The following PLCB1 variants were observed in gnomAD, a reference collection of about 807,000 sequenced individuals.
The protein encoded by PLCB1 is 1-phosphatidylinositol 4,5-bisphosphate phosphodiesterase beta-1.
In PLCB1, 46 loss-of-function variants were observed where a neutral mutation model predicts 161.8. The observed-to-expected ratio is 0.28, with a 90% CI of 0.22 to 0.36. The LOEUF (loss-of-function observed/expected upper bound fraction) is 0.36. PLCB1 is among the 10% of genes least tolerant of loss of function. The pLI, the probability that PLCB1 is intolerant of heterozygous loss-of-function variation, is 1.00. For missense variants in PLCB1, 1,016 were observed against 1,472.5 expected, an observed-to-expected ratio of 0.69 and a Z score of 5.07; for synonymous variants, 517 against 503.7, an observed-to-expected ratio of 1.03 and a Z score of -0.35.
intron 23 of PLCB1, among the ~76,000 whole-genome samples, chr20:8,748,750 G>T (rs6056059): frequency 1.3e-5 from 2 of 151,854 alleles, no homozygotes; most frequent in African/African-American, 2.4e-5. Flanking sequence ...AATGTACAGC[G>T]TGAGGACTAT....
At chr20:8,255,365 T>C (rs1028918648) in intron 2 of PLCB1, among the ~76,000 whole-genome samples, 3 of 152,108 alleles carry the variant, frequency 2.0e-5, no homozygotes, top group Non-Finnish European at 2.9e-5. Flanking sequence ...TAGAAAATGT[T>C]CTAATTGTGA....
At chr20:8,495,930 C>T (rs923140596) in intron 3 of PLCB1, among the ~76,000 whole-genome samples, 1 of 152,132 alleles carries the variant, frequency 6.6e-6, no homozygotes, top group East Asian at 1.9e-4. Flanking sequence ...AACTGATGTT[C>T]CCGTGGCTTG....
intron 3 of PLCB1, among the ~76,000 whole-genome samples, chr20:8,410,311 G>A (rs181331438): frequency 1.3e-5 from 2 of 152,144 alleles, no homozygotes; most frequent in Non-Finnish European, 2.9e-5. Flanking sequence ...CTGAGTCCTA[G>A]AGTGTGCTTA....
intron 2 of PLCB1, among the ~76,000 whole-genome samples, chr20:8,292,767 A>G (rs1242665618): frequency 6.6e-6 from 1 of 152,080 alleles, no homozygotes; most frequent in African/African-American, 2.4e-5. Flanking sequence ...AAGTTACTCA[A>G]CTCCTATGGC....
intron 27 of PLCB1, among the ~76,000 whole-genome samples, chr20:8,782,533 C>G (rs913159658): frequency 3.3e-5 from 5 of 152,098 alleles, no homozygotes; most frequent in Admixed American, 1.3e-4. Context: ...GCTGGGACTA[C>G]AGGCACGCAC....
At chr20:8,295,671 C>T (rs1157504518) in intron 2 of PLCB1, among the ~76,000 whole-genome samples, 1 of 152,028 alleles carries the variant, frequency 6.6e-6, no homozygotes, top group Non-Finnish European at 1.5e-5. Context: ...AGGATATTAG[C>T]TATCATTTGG....
At chr20:8,215,005 A>C (rs1467920241) in intron 2 of PLCB1, among the ~76,000 whole-genome samples, 1 of 152,104 alleles carries the variant, frequency 6.6e-6, no homozygotes. Flanking sequence ...TTTGTGTGCT[A>C]CTGGCTGAAA....
At chr20:8,521,331 A>G (rs1489680124) in intron 3 of PLCB1, among the ~76,000 whole-genome samples, 1 of 152,100 alleles carries the variant, frequency 6.6e-6, no homozygotes, top group African/African-American at 2.4e-5. Flanking sequence ...AAGGGAAAAA[A>G]AAAAAAGAAT....
At chr20:8,259,189 T>G (rs1036424326) in intron 2 of PLCB1, among the ~76,000 whole-genome samples, 8 of 152,214 alleles carry the variant, frequency 5.3e-5, no homozygotes, top group African/African-American at 1.9e-4. Context: ...TTCTAGTTTT[T>G]GGTAATTACA....
intron 31 of PLCB1, among the ~76,000 whole-genome samples, chr20:8,844,415 A>G (rs928640618): frequency 1.3e-5 from 2 of 152,196 alleles, no homozygotes; most frequent in Admixed American, 1.3e-4. Context: ...CCACTGTCCA[A>G]GCCCTTGAAC....
intron 9 of PLCB1, among the ~76,000 whole-genome samples, chr20:8,681,102 AT>A (rs1169833901): frequency 4.6e-5 from 6 of 131,116 alleles, no homozygotes; most frequent in East Asian, 4.3e-4. Flanking sequence ...ATATATATAT[AT>A]ATATATATAT....
At chr20:8,426,179 T>G (rs1287583554) in intron 3 of PLCB1, among the ~76,000 whole-genome samples, 3 of 152,200 alleles carry the variant, frequency 2.0e-5, no homozygotes, top group Non-Finnish European at 4.4e-5. Flanking sequence ...AAATGAAACA[T>G]AGCACAGCCA....
At chr20:8,293,027 G>A (rs562081965) in intron 2 of PLCB1, among the ~76,000 whole-genome samples, 1 of 152,150 alleles carries the variant, frequency 6.6e-6, no homozygotes, top group Admixed American at 6.5e-5. Flanking sequence ...CACTGTGGTT[G>A]CAAAAACATG....
intron 3 of PLCB1, among the ~76,000 whole-genome samples, chr20:8,497,025 C>T (rs148170048): frequency 6.6e-6 from 1 of 152,138 alleles, no homozygotes; most frequent in African/African-American, 2.4e-5. Flanking sequence ...ATATTAAAAG[C>T]TTGCTTGACA....
chr20:8,655,610 T>C (rs1285643526), intron 7 of PLCB1, among the ~76,000 whole-genome samples: 1 of 152,008 alleles, frequency 6.6e-6, no homozygotes, highest in Non-Finnish European at 1.5e-5. Flanking sequence ...GGATGACAAT[T>C]ATTGCTATCC....
At chr20:8,340,646 G>A (rs1377522008) in intron 2 of PLCB1, among the ~76,000 whole-genome samples, 1 of 151,980 alleles carries the variant, frequency 6.6e-6, no homozygotes, top group East Asian at 2.0e-4. Context: ...GGATGGTCTC[G>A]ATCTCCTGAC....
chr20:8,253,535 T>C (rs1223885428), intron 2 of PLCB1, among the ~76,000 whole-genome samples: 2 of 152,018 alleles, frequency 1.3e-5, no homozygotes, highest in African/African-American at 4.8e-5. Flanking sequence ...GCATTTCTGG[T>C]CTACATGAAT....
intron 31 of PLCB1, among the ~76,000 whole-genome samples, chr20:8,877,601 C>T (rs952504481): frequency 1.3e-5 from 2 of 152,184 alleles, no homozygotes; most frequent in Non-Finnish European, 2.9e-5. Flanking sequence ...ACTTGCCTGG[C>T]CCCTGTAACA....
chr20:8,594,278 C>A (rs372619787), intron 3 of PLCB1, among the ~76,000 whole-genome samples: 29 of 152,250 alleles, frequency 1.9e-4, no homozygotes, highest in Admixed American at 6.6e-4. Context: ...ATAAAACTCT[C>A]TTGAGAAACT....
Sources: allele counts gnomAD v4.1 joint callset (sites outside exome capture counted in the v4.1 genomes callset), GRCh38; gene constraint gnomAD v4.1.1; transcripts MANE v1.5; gene names NCBI Gene and HGNC (gene_info 2026-07-23, HGNC 2026-07-21).